Variants in AFF2 observed in about 807,000 individuals in gnomAD.
AFF2 encodes AF4/FMR2 family member 2.
AFF2 carries 14 observed loss-of-function variants against 76.9 expected under a neutral mutation model. The ratio of observed to expected loss-of-function variants is 0.18; its 90% CI spans 0.12 to 0.28. The LOEUF (loss-of-function observed/expected upper bound fraction) is 0.28, where lower values mean the gene tolerates loss of function less well. AFF2 is among the 10% of genes least tolerant of loss of function. AFF2 has a pLI of 1.00. For synonymous variants in AFF2, 398 were observed against 366.7 expected (o/e 1.09, Z -0.98); for missense variants, 868 against 1,001.1 (o/e 0.87, Z 1.79).
In AFF2 at chrX:148,917,907, C is replaced by G. The variant is rs782482171; in HGVS notation, c.1397+13649C>G. 3.6e-5 allele frequency among the ~76,000 whole-genome samples: 4 copies of G among 112,010 alleles called. No homozygotes were observed. In the East Asian group the frequency reaches 1.1e-3, roughly 31 times the overall value. ...AACAAACAAACAAACAAACAAAACC[C>G]AAGACCGTGTTAAAGGAAATAACAT... On this transcript the variant is annotated intron_variant, in intron 9 of 20. Transcript: ENST00000370460.
intron 3 of AFF2, among the ~76,000 whole-genome samples, chrX:148,762,334 A>G (rs1468789549): frequency 9.2e-6 from 1 of 108,146 alleles, no homozygotes; most frequent in Non-Finnish European, 1.9e-5. Flanking sequence ...ACTTAGAATA[A>G]TGGTCTCCAA....
intron 1 of AFF2, among the ~76,000 whole-genome samples, chrX:148,513,069 ACTAT>A (rs1190290366): frequency 2.1e-4 from 24 of 112,268 alleles, no homozygotes; most frequent in Middle Eastern, 4.7e-3. Context: ...GGAGTATATC[ACTAT>A]CTATTTATAT....
chrX:148,851,958 T>C (rs1557275427), intron 7 of AFF2, among the ~76,000 whole-genome samples: 1 of 110,235 alleles, frequency 9.1e-6, no homozygotes, highest in Admixed American at 9.8e-5. Context: ...CTTCCACCTG[T>C]AAGTGAGAAC....
chrX:148,613,080 T>C (rs782047658), intron 1 of AFF2, among the ~76,000 whole-genome samples: 1 of 111,992 alleles, frequency 8.9e-6, no homozygotes, highest in South Asian at 3.7e-4. Context: ...GGCTTCATTA[T>C]GGCCTGCTTC....
intron 1 of AFF2, among the ~76,000 whole-genome samples, chrX:148,580,427 T>C: frequency 9.0e-6 from 1 of 111,670 alleles, no homozygotes; most frequent in Middle Eastern, 4.7e-3. Flanking sequence ...ATTATCTTCC[T>C]ATTCTTTTAG....
intron 1 of AFF2, among the ~76,000 whole-genome samples, chrX:148,608,272 A>G (rs1016562622): frequency 6.3e-5 from 7 of 111,722 alleles, no homozygotes; most frequent in Non-Finnish European, 1.3e-4. Flanking sequence ...TGAAGCTATC[A>G]TAAGGTCCTC....
chrX:148,714,113 C>A lies in AFF2; in HGVS notation c.1041+51345C>A, dbSNP rs782348259. Among the ~76,000 whole-genome samples, 6 of 112,169 alleles carry A rather than the reference C, an allele frequency of 5.3e-5. No individual in the cohort carries two copies. The South Asian group carries it at 2.2e-3, about 42-fold the overall frequency. ...TGCAGTGTTATAAAAAATCTCCCAG[C>A]AATGTATCTTAAGTTCTGTAAATCA... On this transcript the variant is annotated intron_variant, in intron 3 of 20. Coordinates refer to ENST00000370460, the MANE Select transcript of AFF2 (RefSeq NM_002025.4).
In AFF2 at chrX:148,969,764, T is replaced by G. The variant is rs782195179; in HGVS notation, c.3267+2072T>G. On this transcript the variant is annotated intron_variant, in intron 15 of 20. Transcript: ENST00000370460. Reference sequence around the variant, plus strand: ...TATCTTAAAAATTCCTTGGTGGTGGTGGGGGGGTGATATGGAAAAACAAGG... The same window carrying G: ...TATCTTAAAAATTCCTTGGTGGTGGGGGGGGGGTGATATGGAAAAACAAGG... Among the ~76,000 whole-genome samples, 175 of 109,980 alleles carry G rather than the reference T, an allele frequency of 1.6e-3. 1 individual carries two copies. The highest frequency in any genetic ancestry group is 5.7e-3 in the African/African-American group (173 of 30,153).
chrX:148,716,013 C>G (rs2880380), intron 3 of AFF2, among the ~76,000 whole-genome samples: 15,583 of 109,592 alleles, frequency 0.14, 957 homozygotes, highest in Middle Eastern at 0.22. Context: ...CTCTCTCTCT[C>G]TGTGTGTGTG....
intron 1 of AFF2, among the ~76,000 whole-genome samples, chrX:148,625,972 A>T (rs782653864): frequency 2.7e-5 from 3 of 112,385 alleles, no homozygotes; most frequent in Non-Finnish European, 5.6e-5. Context: ...TGCACGAGTT[A>T]TATTAATGAA....
chrX:148,616,819 C>T (rs373052442), intron 1 of AFF2, among the ~76,000 whole-genome samples: 24 of 106,312 alleles, frequency 2.3e-4, no homozygotes, highest in Admixed American at 1.4e-3. Flanking sequence ...TGAGAACATG[C>T]GGTGTTTGGT....
intron 1 of AFF2, among the ~76,000 whole-genome samples, chrX:148,523,176 G>A (rs1557234750): frequency 8.9e-6 from 1 of 112,200 alleles, no homozygotes; most frequent in African/African-American, 3.2e-5. Flanking sequence ...ATAATAAAAT[G>A]AGCAGAATGA....
chrX:148,849,366 TCCCCCCCCCCC>T (rs1188645576), intron 7 of AFF2, among the ~76,000 whole-genome samples: 1 of 8,845 alleles, frequency 1.1e-4, no homozygotes, highest in Non-Finnish European at 1.9e-4. Context: ...CTCTCTCTCC[TCCCCCCCCCCC>T]CCCCCCCCCG....
At chrX:148,945,567 T>C (rs1390429276) in intron 9 of AFF2, among the ~76,000 whole-genome samples, 1 of 111,959 alleles carries the variant, frequency 8.9e-6, no homozygotes, top group Admixed American at 9.4e-5. Context: ...TGTGATTATA[T>C]TGGAACTGCA....
At chrX:148,558,926 A>G (rs2053080764) in intron 1 of AFF2, among the ~76,000 whole-genome samples, 1 of 111,664 alleles carries the variant, frequency 9.0e-6, no homozygotes, top group Admixed American at 9.5e-5. Flanking sequence ...GCTGTGAGCG[A>G]GAAACATGCC....
intron 3 of AFF2, among the ~76,000 whole-genome samples, chrX:148,744,289 G>A (rs183207516): frequency 9.0e-6 from 1 of 110,773 alleles, no homozygotes; most frequent in Non-Finnish European, 1.9e-5. Flanking sequence ...ATAAAACATG[G>A]CACATAACCA....
At chrX:148,809,994 A>G in intron 4 of AFF2, 74 bp downstream of exon 4, 5 of 1,014,591 alleles carry the variant, frequency 4.9e-6, no homozygotes, top group Non-Finnish European at 6.9e-6. Context: ...TAAAGTAATT[A>G]CTGTTCTGTT....
chrX:148,512,712 C>T (rs1452904897), intron 1 of AFF2, among the ~76,000 whole-genome samples: 1 of 112,245 alleles, frequency 8.9e-6, no homozygotes, highest in African/African-American at 3.2e-5. Flanking sequence ...CATAGTTTCT[C>T]AGAGCTCAAT....
chrX:148,819,241 T>C (rs1162078804), intron 4 of AFF2, among the ~76,000 whole-genome samples: 2 of 111,320 alleles, frequency 1.8e-5, no homozygotes, highest in Admixed American at 1.9e-4. Context: ...AATGTGGGTA[T>C]TAATAATTAT....
Sources: allele counts gnomAD v4.1 joint callset (sites outside exome capture counted in the v4.1 genomes callset), GRCh38; gene constraint gnomAD v4.1.1; transcripts MANE v1.5; gene names NCBI Gene and HGNC (gene_info 2026-07-23, HGNC 2026-07-21).